The following AK5 variants were observed in gnomAD, a reference collection of about 807,000 sequenced individuals.
The protein encoded by AK5 is adenylate kinase isoenzyme 5.
AK5 carries 27 observed loss-of-function variants against 69.5 expected under a neutral mutation model. The ratio of observed to expected loss-of-function variants is 0.39; its 90% CI spans 0.29 to 0.54. The LOEUF (loss-of-function observed/expected upper bound fraction) is 0.54. AK5 is among the 20% of genes least tolerant of loss of function. The probability of loss-of-function intolerance (pLI) is 0.71; values close to 1 mark genes in which losing one functional copy is unlikely to be tolerated. For synonymous variants in AK5, 260 were observed against 244.4 expected, an observed-to-expected ratio of 1.06 and a Z score of -0.60; for missense variants, 531 against 700.4, an observed-to-expected ratio of 0.76 and a Z score of 2.73.
intron 6 of AK5, among the ~76,000 whole-genome samples, chr1:77,367,642 A>G (rs1187925853): frequency 1.5e-5 from 1 of 68,456 alleles, no homozygotes; most frequent in Non-Finnish European, 2.6e-5. Context: ...TATATATGTT[A>G]TGTTATATAT....
At chr1:77,282,680 C>A (rs1475542364) in intron 1 of AK5, 2 of 1,134,464 alleles carry the variant, frequency 1.8e-6, no homozygotes, top group African/African-American at 1.6e-5. Context: ...GGCTGCAGAC[C>A]GCGGCCGGGC....
intron 12 of AK5, among the ~76,000 whole-genome samples, chr1:77,525,639 C>T (rs1658233180): frequency 6.6e-6 from 1 of 152,202 alleles, no homozygotes; most frequent in Non-Finnish European, 1.5e-5. Context: ...CAATCTGCCC[C>T]CATGACCCAA....
intron 6 of AK5, among the ~76,000 whole-genome samples, chr1:77,355,879 A>G (rs998797886): frequency 2.2e-5 from 3 of 138,780 alleles, no homozygotes; most frequent in Non-Finnish European, 3.3e-5. Context: ...ACACACACAC[A>G]CACACACACA....
intron 7 of AK5, among the ~76,000 whole-genome samples, chr1:77,414,483 C>T (rs7512893): frequency 0.16 from 23,875 of 151,970 alleles, 2,000 homozygotes; most frequent in African/African-American, 0.2. Context: ...TAACGTTGAC[C>T]CAGAAAGTAA....
chr1:77,471,641 G>A lies in AK5; in HGVS notation c.1060-11676G>A, dbSNP rs373518463. Among the ~76,000 whole-genome samples the A allele has an allele frequency of 1.2e-4, 18 of 152,258 alleles. 1 individual carries two copies. The highest frequency in any genetic ancestry group is 4.3e-4 in the African/African-American group (18 of 41,546). On this transcript the variant is annotated intron_variant, in intron 8 of 13. Coordinates refer to ENST00000354567, the MANE Select transcript of AK5 (RefSeq NM_174858.3). The stretch of plus-strand genomic sequence containing the variant: ...GTGGGTCTTAAAGCCTATCCCCAAA[G>A]ATATCCAATGCAAAGGAAGTATCTG...
At chr1:77,327,737 A>C (rs1490436840) in intron 5 of AK5, among the ~76,000 whole-genome samples, 1 of 152,114 alleles carries the variant, frequency 6.6e-6, no homozygotes, top group Non-Finnish European at 1.5e-5. Context: ...GTCTAATCTC[A>C]GTGCTGTTTG....
At chr1:77,521,466 GT>G (rs1456903479) in intron 11 of AK5, among the ~76,000 whole-genome samples, 1 of 152,058 alleles carries the variant, frequency 6.6e-6, no homozygotes, top group Non-Finnish European at 1.5e-5. Flanking sequence ...GTTTTGTCTA[GT>G]TTTAAATTGC....
chr1:77,297,239 A>G (rs746921467), intron 3 of AK5, among the ~76,000 whole-genome samples: 5 of 152,166 alleles, frequency 3.3e-5, no homozygotes, highest in Non-Finnish European at 7.4e-5. Context: ...AGAGGGAAAA[A>G]TGTTAGATTT....
At chr1:77,375,525 G>T (rs892349393) in intron 6 of AK5, among the ~76,000 whole-genome samples, 2 of 151,990 alleles carry the variant, frequency 1.3e-5, no homozygotes, top group African/African-American at 4.8e-5. Context: ...CCTTCTCCTT[G>T]GGCTTTGTTA....
chr1:77,358,199 A>G (rs1359903709), intron 6 of AK5, among the ~76,000 whole-genome samples: 1 of 152,050 alleles, frequency 6.6e-6, no homozygotes, highest in South Asian at 2.1e-4. Context: ...TTTTTCTATG[A>G]TATTTTGACA....
chr1:77,487,380 A>C (rs1363648749), intron 10 of AK5, among the ~76,000 whole-genome samples: 1 of 100,892 alleles, frequency 9.9e-6, no homozygotes, highest in African/African-American at 4.1e-5. Flanking sequence ...AAAAATGCAT[A>C]AAAAAAGGAC....
chr1:77,377,795 G>A (rs1647345048), intron 6 of AK5, among the ~76,000 whole-genome samples: 1 of 152,130 alleles, frequency 6.6e-6, no homozygotes, highest in Non-Finnish European at 1.5e-5. Context: ...TCCTTTACAT[G>A]CCTTGTTTCT....
chr1:77,350,387 G>C (rs1186001970), intron 6 of AK5, among the ~76,000 whole-genome samples: 1 of 152,130 alleles, frequency 6.6e-6, no homozygotes, highest in Admixed American at 6.6e-5. Flanking sequence ...GTAGAAACCA[G>C]GGGACAGAGG....
At chr1:77,496,202 G>A (rs149476667) in intron 10 of AK5, among the ~76,000 whole-genome samples, 1 of 152,222 alleles carries the variant, frequency 6.6e-6, no homozygotes, top group South Asian at 2.1e-4. Context: ...TAACTGGGAA[G>A]AAAGTGGGGG....
intron 9 of AK5, among the ~76,000 whole-genome samples, chr1:77,484,448 G>A (rs76932975): frequency 0.01 from 1,564 of 152,292 alleles, 35 homozygotes; most frequent in East Asian, 0.079. Context: ...GCACAAGGTG[G>A]TGGGTAAAGT....
chr1:77,392,059 G>C (rs751096993), intron 6 of AK5, among the ~76,000 whole-genome samples: 2 of 152,184 alleles, frequency 1.3e-5, no homozygotes, highest in African/African-American at 2.4e-5. Flanking sequence ...GGATCATGCA[G>C]AGTACTTGAA....
At chr1:77,557,611 C>T (rs1171196047) in intron 13 of AK5, among the ~76,000 whole-genome samples, 1 of 152,166 alleles carries the variant, frequency 6.6e-6, no homozygotes, top group East Asian at 1.9e-4. Flanking sequence ...CTTAGCACAC[C>T]TACACACTGC....
At chr1:77,506,547 A>G (rs1657040097) in intron 10 of AK5, among the ~76,000 whole-genome samples, 1 of 152,088 alleles carries the variant, frequency 6.6e-6, no homozygotes, top group South Asian at 2.1e-4. Context: ...TTTTCTGTCC[A>G]TGTAAGAGCT....
chr1:77,328,319 T>G (rs557554054), intron 5 of AK5, among the ~76,000 whole-genome samples: 2 of 152,006 alleles, frequency 1.3e-5, no homozygotes, highest in Non-Finnish European at 2.9e-5. Context: ...ACCAACATAG[T>G]GAAACCCTGT....
Sources: allele counts gnomAD v4.1 joint callset (sites outside exome capture counted in the v4.1 genomes callset), GRCh38; gene constraint gnomAD v4.1.1; transcripts MANE v1.5; gene names NCBI Gene and HGNC (gene_info 2026-07-23, HGNC 2026-07-21).